Variants in CALB2 observed in about 807,000 individuals in gnomAD.
CALB2 encodes calbindin 2, also known as calretinin.
Under a neutral mutation model 45.9 loss-of-function variants are expected in CALB2, and 34 were observed. That is an observed-to-expected ratio of 0.74 (90% CI 0.56 to 0.99). The LOEUF (loss-of-function observed/expected upper bound fraction) is 0.99, where lower values mean the gene tolerates loss of function less well. Ranked by LOEUF, CALB2 falls within the 50% of genes least tolerant of loss-of-function variation. The pLI is 0.00. For synonymous variants in CALB2, 142 were observed against 129.6 expected, an observed-to-expected ratio of 1.10 and a Z score of -0.65; for missense variants, 344 against 339.3, an observed-to-expected ratio of 1.01 and a Z score of -0.11.
At chr16:71,381,037 G>C (rs4788800) in intron 4 of CALB2, among the ~76,000 whole-genome samples, 3 of 151,942 alleles carry the variant, frequency 2.0e-5, no homozygotes, top group Non-Finnish European at 4.4e-5. Context: ...AAGTGGACCC[G>C]CTGGCAAGAT....
chr16:71,363,151 C>T (rs952122048), intron 1 of CALB2, among the ~76,000 whole-genome samples: 1 of 152,190 alleles, frequency 6.6e-6, no homozygotes, highest in Admixed American at 6.5e-5. Flanking sequence ...CACCACTGCA[C>T]TCCAGCCTGG....
At chr16:71,384,608 GCACACACCCCACATACACAGAGACAT>G (rs1053578504) in intron 8 of CALB2, among the ~76,000 whole-genome samples, 149 bp from the exon 9 acceptor site, 1 of 4,606 alleles carries the variant, frequency 2.2e-4, no homozygotes, top group African/African-American at 8.9e-4. Flanking sequence ...CATATCACAC[GCACACACCCCACATACACAGAGACAT>G]CACACACACC....
At chr16:71,388,820 A>G (rs572467689) in intron 10 of CALB2, among the ~76,000 whole-genome samples, 2 of 87,006 alleles carry the variant, frequency 2.3e-5, no homozygotes, top group Non-Finnish European at 4.7e-5. Context: ...CGTCTCTACT[A>G]AAAAAAAAAA....
intron 8 of CALB2, 105 bp downstream of exon 8, chr16:71,384,483 C>G: frequency 1.2e-6 from 1 of 837,208 alleles, no homozygotes; most frequent in East Asian, 2.5e-5. Context: ...CACACACCCA[C>G]ACACACCACA....
At chr16:71,376,708 C>T (rs1293805936) in intron 3 of CALB2, among the ~76,000 whole-genome samples, 3 of 151,272 alleles carry the variant, frequency 2.0e-5, no homozygotes, top group African/African-American at 7.3e-5. Flanking sequence ...ACCACATGCA[C>T]CCACATACAA....
chr16:71,373,090 T>C (rs2144970479), intron 2 of CALB2, among the ~76,000 whole-genome samples: 1 of 152,310 alleles, frequency 6.6e-6, no homozygotes, highest in South Asian at 2.1e-4. Context: ...TTTGAAATAC[T>C]GCAAAGCTCA....
chr16:71,385,266 G>A (rs1224778734), intron 9 of CALB2: 4 of 362,306 alleles, frequency 1.1e-5, no homozygotes, highest in Non-Finnish European at 2.0e-5. Flanking sequence ...TTCATAACCA[G>A]TGTTGGAGGT....
chr16:71,383,518 A>C, intron 6 of CALB2, 74 bp downstream of exon 6: 1 of 1,361,984 alleles, frequency 7.3e-7, no homozygotes, highest in South Asian at 1.2e-5. Context: ...TCTGGTGTGC[A>C]GGGTCCCTTG....
At chr16:71,384,460 ACACAACACACTACACACACC>A (rs1192249478) in intron 8 of CALB2, 82 bp downstream of exon 8, 1 of 1,103,228 alleles carries the variant, frequency 9.1e-7, no homozygotes, top group Non-Finnish European at 1.4e-6. Context: ...AACGCACCAC[ACACAACACACTACACACACC>A]CACACACACC....
chr16:71,366,333 TTTTTTTTTTTTGA>T (rs2042287970), intron 1 of CALB2, among the ~76,000 whole-genome samples: 1 of 42,882 alleles, frequency 2.3e-5, no homozygotes. Flanking sequence ...CCTTTTTTTT[TTTTTTTTTTTTGA>T]GAGAGAGAGA....
Position 71,384,089 on chromosome 16 carries a change from C to T in CALB2, c.533+64C>T, listed in dbSNP as rs1033665175. On this transcript the variant is annotated intron_variant, in intron 7 of 10. Transcript: ENST00000302628. ...CACAGGTCATTCCTGTGTTATCCGT[C>T]TCTGAGATCCATTGGTGGGAAAGTG... 14 of 1,539,508 alleles carry T rather than the reference C, an allele frequency of 9.1e-6. No homozygotes were observed. In the East Asian group the frequency reaches 1.6e-4, roughly 17 times the overall value.
intron 4 of CALB2, among the ~76,000 whole-genome samples, chr16:71,380,156 G>T (rs9935618): frequency 0.4 from 61,059 of 151,570 alleles, 12,559 homozygotes; most frequent in Admixed American, 0.51. Flanking sequence ...CACCTTGTAG[G>T]GGGGGCAGGG....
intron 4 of CALB2, among the ~76,000 whole-genome samples, chr16:71,378,290 A>C (rs932776187): frequency 1.3e-5 from 2 of 151,982 alleles, no homozygotes; most frequent in Non-Finnish European, 2.9e-5. Flanking sequence ...AGGCAGGAGG[A>C]TCTTTTGAGG....
chr16:71,368,382 G>C (rs1034843539), intron 1 of CALB2, among the ~76,000 whole-genome samples: 1 of 152,162 alleles, frequency 6.6e-6, no homozygotes, highest in Non-Finnish European at 1.5e-5. Context: ...TCAGGCATGT[G>C]CCCGTCGTCC....
At chr16:71,363,080 A>G (rs2042250242) in intron 1 of CALB2, among the ~76,000 whole-genome samples, 2 of 151,908 alleles carry the variant, frequency 1.3e-5, no homozygotes, top group African/African-American at 4.8e-5. Flanking sequence ...GCTACTTGAG[A>G]GGCTGAGGCA....
intron 3 of CALB2, 63 bp from the exon 4 acceptor site, chr16:71,377,604 A>T (rs2042432014): frequency 4.2e-6 from 5 of 1,190,234 alleles, no homozygotes; most frequent in Non-Finnish European, 6.2e-6. Context: ...CTTAGGGGAA[A>T]ATCTGCTCTG....
intron 1 of CALB2, among the ~76,000 whole-genome samples, chr16:71,367,888 G>A (rs571837221): frequency 6.6e-6 from 1 of 152,246 alleles, no homozygotes; most frequent in African/African-American, 2.4e-5. Flanking sequence ...ATTCAGAGAG[G>A]CGGCTTCTCT....
intron 2 of CALB2, among the ~76,000 whole-genome samples, chr16:71,372,796 C>A (rs1236649907): frequency 6.6e-6 from 1 of 152,226 alleles, no homozygotes; most frequent in Non-Finnish European, 1.5e-5. Context: ...AAATGTCCCC[C>A]TGGTGGGAGA....
chr16:71,377,561 C>T, intron 3 of CALB2, 106 bp from the exon 4 acceptor site: 1 of 719,544 alleles, frequency 1.4e-6, no homozygotes, highest in Non-Finnish European at 2.4e-6. Context: ...ACGCAATTCC[C>T]ACACTGCCTC....
Sources: allele counts gnomAD v4.1 joint callset (sites outside exome capture counted in the v4.1 genomes callset), GRCh38; gene constraint gnomAD v4.1.1; transcripts MANE v1.5; gene names NCBI Gene and HGNC (gene_info 2026-07-23, HGNC 2026-07-21).